DACH2: variants seen among roughly 807,000 people sequenced by gnomAD.
DACH2 encodes the protein dachshund family transcription factor 2.
Under a neutral mutation model 35.8 loss-of-function variants are expected in DACH2, and 17 were observed. That is an observed-to-expected ratio of 0.48 (90% CI 0.33 to 0.71). The LOEUF (loss-of-function observed/expected upper bound fraction) is 0.71. DACH2 is among the 30% of genes least tolerant of loss of function. DACH2 has a pLI of 0.02. For synonymous variants in DACH2, 195 were observed against 177.3 expected (o/e 1.10, Z -0.79); for missense variants, 469 against 472.7 (o/e 0.99, Z 0.07).
chrX:86,819,325 A>G (rs888553012), intron 11 of DACH2, among the ~76,000 whole-genome samples: 14 of 110,545 alleles, frequency 1.3e-4, no homozygotes, highest in African/African-American at 4.6e-4. Flanking sequence ...TTCCATCCAA[A>G]TTCCTATAAC....
intron 4 of DACH2, among the ~76,000 whole-genome samples, chrX:86,692,462 A>G (rs1388663512): frequency 1.8e-5 from 2 of 111,749 alleles, no homozygotes; most frequent in Non-Finnish European, 3.8e-5. Flanking sequence ...AACATACACA[A>G]AACCACATTG....
At chrX:86,580,421 A>G (rs2039487965) in intron 3 of DACH2, among the ~76,000 whole-genome samples, 1 of 111,689 alleles carries the variant, frequency 9.0e-6, no homozygotes, top group African/African-American at 3.3e-5. Context: ...AATTCAGAAT[A>G]TGGACACAAA....
At chrX:86,471,590 AC>A (rs1010511207) in intron 2 of DACH2, among the ~76,000 whole-genome samples, 2 of 111,152 alleles carry the variant, frequency 1.8e-5, no homozygotes, top group Admixed American at 9.7e-5. Context: ...ATAAATAACC[AC>A]CCCAAAAGAT....
At chrX:86,165,818 C>A (rs1013409107) in intron 1 of DACH2, among the ~76,000 whole-genome samples, 3 of 111,178 alleles carry the variant, frequency 2.7e-5, no homozygotes, top group Non-Finnish European at 3.8e-5. Flanking sequence ...CTTTGCTGTG[C>A]AGAAGCTTTT....
rs372624147 is a variant in DACH2, at chrX:86,595,221, C to T, written c.641-55815C>T. 7.2e-5 allele frequency among the ~76,000 whole-genome samples: 8 copies of T among 111,026 alleles called. 1 individual carries two copies. The Admixed American group carries it at 7.7e-4, about 11-fold the overall frequency. On this transcript the variant is annotated intron_variant, in intron 3 of 11. Coordinates refer to ENST00000373125, the MANE Select transcript of DACH2 (RefSeq NM_053281.3). Reference sequence around the variant, plus strand: ...CAACCTCAATATTTTTTGGCTCAAGCGATCCTCCCAAATAGCTTGGACTAC... The same window carrying T: ...CAACCTCAATATTTTTTGGCTCAAGTGATCCTCCCAAATAGCTTGGACTAC...
At chrX:86,432,730 A>G (rs1333986411) in intron 2 of DACH2, among the ~76,000 whole-genome samples, 1 of 112,161 alleles carries the variant, frequency 8.9e-6, no homozygotes, top group Non-Finnish European at 1.9e-5. Flanking sequence ...ATCTATCTAA[A>G]GAACTTCATC....
chrX:86,417,020 G>T (rs2036715413), intron 2 of DACH2, among the ~76,000 whole-genome samples: 1 of 102,396 alleles, frequency 9.8e-6, no homozygotes, highest in African/African-American at 3.6e-5. Flanking sequence ...CTTGAACCTG[G>T]GAGGTGGAGG....
chrX:86,427,258 T>C (rs2036909532), intron 2 of DACH2, among the ~76,000 whole-genome samples: 2 of 111,370 alleles, frequency 1.8e-5, no homozygotes, highest in South Asian at 3.7e-4. Context: ...CATTGTTGTA[T>C]GTTTGAGAGA....
chrX:86,388,383 A>G (rs772149783), intron 2 of DACH2, among the ~76,000 whole-genome samples: 6 of 111,875 alleles, frequency 5.4e-5, no homozygotes, highest in Non-Finnish European at 9.4e-5. Context: ...CCTGTTAAGC[A>G]ATATATTTTG....
intron 11 of DACH2, among the ~76,000 whole-genome samples, chrX:86,820,115 A>C (rs777641031): frequency 4.5e-5 from 5 of 111,865 alleles, no homozygotes; most frequent in Non-Finnish European, 7.5e-5. Context: ...AGTTCAGGGG[A>C]GATAACGTCA....
intron 3 of DACH2, among the ~76,000 whole-genome samples, chrX:86,566,844 T>A (rs1415343058): frequency 1.8e-5 from 2 of 111,691 alleles, no homozygotes; most frequent in African/African-American, 6.5e-5. Flanking sequence ...AAAGCAGATA[T>A]TATCCTTATT....
chrX:86,486,952 A>C (rs1278542135), intron 2 of DACH2, among the ~76,000 whole-genome samples: 2 of 112,065 alleles, frequency 1.8e-5, no homozygotes, highest in African/African-American at 6.5e-5. Context: ...GGGCTATGTG[A>C]TGGGATCAAA....
intron 3 of DACH2, among the ~76,000 whole-genome samples, chrX:86,536,536 T>C (rs2038803830): frequency 9.0e-6 from 1 of 111,541 alleles, no homozygotes; most frequent in Non-Finnish European, 1.9e-5. Context: ...AGCCTTCATC[T>C]ACATGATAAA....
chrX:86,172,437 A>T (rs2031155253), intron 1 of DACH2, among the ~76,000 whole-genome samples: 1 of 112,053 alleles, frequency 8.9e-6, no homozygotes, highest in Non-Finnish European at 1.9e-5. Flanking sequence ...CTCAGGCTGC[A>T]AGGTGTATTC....
intron 3 of DACH2, among the ~76,000 whole-genome samples, chrX:86,633,375 A>G (rs917879710): frequency 9.0e-6 from 1 of 111,581 alleles, no homozygotes; most frequent in Non-Finnish European, 1.9e-5. Context: ...ATTCTTGTAA[A>G]TATACAACCT....
chrX:86,347,050 A>G (rs2035508516), intron 1 of DACH2, among the ~76,000 whole-genome samples: 1 of 111,875 alleles, frequency 8.9e-6, no homozygotes, highest in African/African-American at 3.2e-5. Flanking sequence ...CATTATGAAA[A>G]ATTAATAGAA....
At chrX:86,490,192 G>T (rs1167195923) in intron 2 of DACH2, among the ~76,000 whole-genome samples, 1 of 111,923 alleles carries the variant, frequency 8.9e-6, no homozygotes, top group Non-Finnish European at 1.9e-5. Context: ...GTTATAAAAT[G>T]CAGGCAAGCT....
intron 3 of DACH2, among the ~76,000 whole-genome samples, chrX:86,542,420 T>G (rs2038897784): frequency 9.0e-6 from 1 of 111,091 alleles, no homozygotes; most frequent in South Asian, 3.8e-4. Flanking sequence ...GAATAATTTT[T>G]GCAACAATGG....
intron 3 of DACH2, among the ~76,000 whole-genome samples, chrX:86,609,909 C>G (rs2039907782): frequency 9.0e-6 from 1 of 111,644 alleles, no homozygotes; most frequent in South Asian, 3.8e-4. Context: ...TGAATGATAA[C>G]TGAAGCCAGC....
Sources: allele counts gnomAD v4.1 joint callset (sites outside exome capture counted in the v4.1 genomes callset), GRCh38; gene constraint gnomAD v4.1.1; transcripts MANE v1.5; gene names NCBI Gene and HGNC (gene_info 2026-07-23, HGNC 2026-07-21).